The following PLOD2 variants were observed in gnomAD, a reference collection of about 807,000 sequenced individuals.
PLOD2 encodes the protein procollagen-lysine,2-oxoglutarate 5-dioxygenase 2, also known as lysine hydroxylase 2.
Under a neutral mutation model 101.0 loss-of-function variants are expected in PLOD2, and 65 were observed. The observed-to-expected ratio is 0.64, with a 90% CI of 0.53 to 0.79. The LOEUF (loss-of-function observed/expected upper bound fraction) is 0.79, where lower values mean the gene tolerates loss of function less well. PLOD2 is among the 30% of genes least tolerant of loss of function. The pLI, the probability that PLOD2 is intolerant of heterozygous loss-of-function variation, is 0.00. For missense variants in PLOD2, 909 were observed against 914.6 expected (o/e 0.99, Z 0.08); for synonymous variants, 314 against 302.9 (o/e 1.04, Z -0.38).
chr3:146,118,132 T>C (rs1003729573), intron 3 of PLOD2, among the ~76,000 whole-genome samples: 1 of 152,158 alleles, frequency 6.6e-6, no homozygotes, highest in Non-Finnish European at 1.5e-5. Flanking sequence ...TTGAAATCCA[T>C]GGTAATTTTA....
intron 3 of PLOD2, among the ~76,000 whole-genome samples, chr3:146,118,929 G>A (rs552475010): frequency 1.3e-5 from 2 of 152,090 alleles, no homozygotes; most frequent in South Asian, 2.1e-4. Flanking sequence ...TCACAAAAAC[G>A]TTAGCTCTTG....
chr3:146,085,112 A>G, intron 11 of PLOD2, 57 bp downstream of exon 11: 1 of 835,128 alleles, frequency 1.2e-6, no homozygotes, highest in Non-Finnish European at 2.1e-6. Context: ...GTATGTTCAC[A>G]TCAATATGAA....
At chr3:146,099,330 C>T (rs374783356) in intron 7 of PLOD2, among the ~76,000 whole-genome samples, 3 of 152,152 alleles carry the variant, frequency 2.0e-5, no homozygotes, top group East Asian at 1.9e-4. Context: ...TTGGTGATCA[C>T]GTTGAAATCA....
rs186172506 is a variant in PLOD2, at chr3:146,123,028, T to C, written c.201+1110A>G. ...TCTAACATGTTTTTCATTTATCCTA[T>C]ATTAAACATCTAGTTGTTACCACTA... is the stretch of plus-strand genomic sequence containing the variant. On this transcript the variant is annotated intron_variant, in intron 2 of 19. Transcript: ENST00000282903. 5.9e-5 allele frequency among the ~76,000 whole-genome samples: 9 copies of C among 152,278 alleles called. No homozygotes were observed. The South Asian group carries it at 8.3e-4, about 14-fold the overall frequency.
In PLOD2 at chr3:146,079,995, C is replaced by T. The variant is rs142526280; in HGVS notation, c.1359-738G>A. ...AACATGACTGATTTCATAAAAACTGCAAAACAAGTTTTGCCCCTAAGACTG... is the reference window on the plus strand; with the variant it reads ...AACATGACTGATTTCATAAAAACTGTAAAACAAGTTTTGCCCCTAAGACTG... On this transcript the variant is annotated intron_variant, in intron 12 of 19. Coordinates refer to ENST00000282903, the MANE Select transcript of PLOD2 (RefSeq NM_182943.3). Among the ~76,000 whole-genome samples, 159 of 152,116 alleles carry T rather than the reference C, an allele frequency of 1.0e-3. 1 individual carries two copies. The highest frequency in any genetic ancestry group is 3.6e-3 in the African/African-American group (149 of 41,548).
Position 146,091,819 on chromosome 3 carries a change from A to C in PLOD2, c.860T>G (p.Val287Gly), listed in dbSNP as rs1227319909. The C allele has an allele frequency of 1.3e-6, 2 of 1,592,248 alleles. No individual in the cohort carries two copies. Among genetic ancestry groups the C allele is most frequent in the Admixed American group, 3.3e-5 (2 of 59,942 alleles). ...NGCTLCEFDT[V>G]DLSAVDVHPN... is the part of the protein sequence containing the mutation. ...ACTTACATCTACTGCAGACAAGTCG[A>C]CTGTATCGAATTCACAAAGAGTGCA... is the stretch of plus-strand genomic sequence containing the variant. Residue 287 changes from valine to glycine, a missense_variant, in exon 8 of 20, where the codon GTC (valine) becomes GGC (glycine). By Grantham distance (109) the Val-to-Gly change is moderately radical. Transcript: ENST00000282903.
chr3:146,139,182 A>G (rs1416871573), intron 1 of PLOD2, among the ~76,000 whole-genome samples: 1 of 152,198 alleles, frequency 6.6e-6, no homozygotes, highest in African/African-American at 2.4e-5. Context: ...AAGGCAGACT[A>G]AACAACATTG....
intron 1 of PLOD2, among the ~76,000 whole-genome samples, chr3:146,127,153 G>A (rs958946679): frequency 2.0e-5 from 3 of 152,112 alleles, no homozygotes; most frequent in African/African-American, 7.2e-5. Context: ...GAGCTCAGCT[G>A]AATAGTTCTT....
At chr3:146,085,655 A>AT (rs1334459182) in intron 10 of PLOD2, 1 of 237,636 alleles carries the variant, frequency 4.2e-6, no homozygotes, top group Non-Finnish European at 8.0e-6. Context: ...AGATGTAAGT[A>AT]TATGACTTTT....
At chr3:146,120,245 T>G (rs1368060948) in intron 3 of PLOD2, among the ~76,000 whole-genome samples, 2 of 152,234 alleles carry the variant, frequency 1.3e-5, no homozygotes, top group Admixed American at 1.3e-4. Flanking sequence ...TGTCTTCTTT[T>G]GAGAAGTGTC....
intron 1 of PLOD2, among the ~76,000 whole-genome samples, chr3:146,131,480 T>G (rs1027998800): frequency 3.3e-4 from 50 of 152,180 alleles, no homozygotes; most frequent in African/African-American, 1.1e-3. Context: ...GCTAGAGAGA[T>G]ATAAAAATGA....
chr3:146,099,880 CT>C (rs5853264), intron 7 of PLOD2, among the ~76,000 whole-genome samples: 1,749 of 129,262 alleles, frequency 0.014, 26 homozygotes, highest in African/African-American at 0.045. Flanking sequence ...CAGTGACCAA[CT>C]TTTTTTTTTT....
intron 13 of PLOD2, among the ~76,000 whole-genome samples, 184 bp from the exon 14 acceptor site, chr3:146,078,108 C>T (rs1936408690): frequency 6.6e-6 from 1 of 151,796 alleles, no homozygotes; most frequent in Non-Finnish European, 1.5e-5. Context: ...GCTCTTTCAG[C>T]CCTTCTTTTC....
In PLOD2 at chr3:146,113,403, A is replaced by G. The variant is rs1937741128; in HGVS notation, c.339-2955T>C. 2.0e-5 allele frequency among the ~76,000 whole-genome samples: 3 copies of G among 152,216 alleles called. No individual in the cohort carries two copies. In the South Asian group the frequency reaches 6.2e-4, roughly 31 times the overall value. On this transcript the variant is annotated intron_variant, in intron 3 of 19. Coordinates refer to ENST00000282903, the MANE Select transcript of PLOD2 (RefSeq NM_182943.3). ...TTTGGCTGTAAAAAGTCAAATTGTC[A>G]AATTTAAAAAAATGCACACAGGTGT...
At chr3:146,143,147 T>C (rs2031608609) in intron 1 of PLOD2, among the ~76,000 whole-genome samples, 1 of 152,066 alleles carries the variant, frequency 6.6e-6, no homozygotes, top group Non-Finnish European at 1.5e-5. Context: ...ATTTTTAGGG[T>C]CCTGTTTTCC....
intron 1 of PLOD2, among the ~76,000 whole-genome samples, chr3:146,154,639 A>G (rs950966299): frequency 2.0e-5 from 3 of 152,252 alleles, no homozygotes; most frequent in Admixed American, 6.5e-5. Flanking sequence ...AACATGAAGC[A>G]TATTTCCACA....
At chr3:146,116,515 T>C (rs573027453) in intron 3 of PLOD2, among the ~76,000 whole-genome samples, 1 of 152,236 alleles carries the variant, frequency 6.6e-6, no homozygotes, top group Non-Finnish European at 1.5e-5. Context: ...AAAATAAGTA[T>C]ATCAATGGGA....
intron 3 of PLOD2, among the ~76,000 whole-genome samples, chr3:146,119,442 C>T (rs558897605): frequency 1.8e-5 from 2 of 111,576 alleles, no homozygotes; most frequent in South Asian, 5.5e-4. Flanking sequence ...TCTACTTTTG[C>T]CTCTTTTTTT....
intron 2 of PLOD2, among the ~76,000 whole-genome samples, chr3:146,122,152 T>C (rs991128809): frequency 1.3e-5 from 2 of 152,248 alleles, no homozygotes; most frequent in African/African-American, 4.8e-5. Context: ...AGATAAATCT[T>C]GCTGGCAAAG....
Sources: allele counts gnomAD v4.1 joint callset (sites outside exome capture counted in the v4.1 genomes callset), GRCh38; gene constraint gnomAD v4.1.1; transcripts MANE v1.5; gene names NCBI Gene and HGNC (gene_info 2026-07-23, HGNC 2026-07-21).